The following FMOD variants were observed in gnomAD, a reference collection of about 807,000 sequenced individuals.
FMOD encodes the protein fibromodulin.
Under a neutral mutation model 27.0 loss-of-function variants are expected in FMOD, and 15 were observed. The observed-to-expected ratio is 0.55, with a 90% confidence interval of 0.37 to 0.85. The LOEUF (loss-of-function observed/expected upper bound fraction) is 0.85. Among genes scored for constraint, FMOD ranks in the 40% least tolerant of loss-of-function variants. FMOD has a pLI of 0.00. For synonymous variants in FMOD, 210 were observed against 214.0 expected, an observed-to-expected ratio of 0.98 and a Z score of 0.16; for missense variants, 460 against 483.2, an observed-to-expected ratio of 0.95 and a Z score of 0.45.
intron 2 of FMOD, among the ~76,000 whole-genome samples, chr1:203,343,534 G>T (rs2102301507): frequency 6.6e-6 from 1 of 152,304 alleles, no homozygotes; most frequent in South Asian, 2.1e-4. Flanking sequence ...CTGCAAAGGG[G>T]GTTTGAATGA....
intron 1 of FMOD, among the ~76,000 whole-genome samples, chr1:203,350,735 T>G (rs1658983654): frequency 6.6e-6 from 1 of 152,224 alleles, no homozygotes; most frequent in Admixed American, 6.5e-5. Context: ...ATGATGGGAT[T>G]TATGAGTAGC....
intron 2 of FMOD, among the ~76,000 whole-genome samples, 185 bp from the exon 3 acceptor site, chr1:203,342,679 T>A (rs1480114814): frequency 1.3e-5 from 2 of 151,892 alleles, no homozygotes; most frequent in African/African-American, 4.8e-5. Context: ...AGGGACAGAG[T>A]GAGGACTGTG....
At chr1:203,348,514 T>C (rs969606445) in intron 1 of FMOD, among the ~76,000 whole-genome samples, 4 of 152,138 alleles carry the variant, frequency 2.6e-5, no homozygotes, top group African/African-American at 9.7e-5. Context: ...CCCCTGGTCA[T>C]AGAGTCACAG....
chr1:203,350,503 C>T (rs1658972122), intron 1 of FMOD, among the ~76,000 whole-genome samples: 1 of 152,010 alleles, frequency 6.6e-6, no homozygotes, highest in Admixed American at 6.6e-5. Flanking sequence ...GGATTGCATC[C>T]CCACCCCAAT....
At position 203,350,592 on chromosome 1, in the gene FMOD, C is replaced by T. The variant is rs557956798; in HGVS notation, c.-8+441G>A. Among the ~76,000 whole-genome samples the T allele has an allele frequency of 5.2e-4, 71 of 137,668 alleles. No individual in the cohort carries two copies. In the East Asian group the frequency reaches 0.019, roughly 36 times the overall value. 90.3% of individuals were successfully genotyped at this position (137,668 alleles called of 152,430 possible). A position where few individuals can be genotyped will look rare whatever the true frequency, so the allele number is the denominator to read the frequency against. ...TCCACTCCAAACACACACACACACA[C>T]ACACACACACACATTCTACACAAAA... On this transcript the variant is annotated intron_variant, in intron 1 of 2. Coordinates refer to ENST00000354955, the MANE Select transcript of FMOD (RefSeq NM_002023.5).
Position 203,347,509 on chromosome 1 carries a change from G to A in FMOD, c.762C>T (p.Asn254=), listed in dbSNP as rs1658909090. 1.9e-6 allele frequency: 3 copies of A among 1,614,076 alleles called. No homozygotes were observed. Among genetic ancestry groups the A allele is most frequent in the Non-Finnish European group, 2.5e-6 (3 of 1,180,044 alleles). ...SALEQLYMEH[N]NVYTVPDSYF... is the part of the protein sequence containing the mutation. The stretch of plus-strand genomic sequence containing the variant: ...AGCTATCGGGGACGGTGTAGACATT[G>A]TTGTGCTCCATGTACAGCTGCTCAA... Residue 254 remains asparagine, a synonymous_variant, in exon 2 of 3, where the codon AAC becomes AAT. Transcript: ENST00000354955.
chr1:203,343,247 G>A (rs6428002), intron 2 of FMOD, among the ~76,000 whole-genome samples: 2,306 of 152,218 alleles, frequency 0.015, 58 homozygotes, highest in African/African-American at 0.051. Flanking sequence ...CCCCTAAACC[G>A]CAGAATTCTA....
chr1:203,348,371 T>C lies in FMOD; in HGVS notation c.-7-94A>G, dbSNP rs1050264905. 8.4e-6 allele frequency: 11 copies of C among 1,309,276 alleles called. No individual in the cohort carries two copies. The Admixed American group carries it at 1.4e-4, about 16-fold the overall frequency. 81.1% of individuals were successfully genotyped at this position (1,309,276 alleles called of 1,614,324 possible). The stretch of plus-strand genomic sequence containing the variant: ...TAGGCAAGCCTTAGGCTTTGAGCTA[T>C]GCAGAGCTGACTTCCATGTCAAACA... On this transcript the variant is annotated intron_variant, in intron 1 of 2. Transcript: ENST00000354955.
rs868087946 is a variant in FMOD at position 203,340,775 on chromosome 1, G to A, written c.*1568C>T. 2.6e-5 allele frequency: 4 copies of A among 152,358 alleles called. No homozygotes were observed. Among genetic ancestry groups the A allele is most frequent in the Non-Finnish European group, 4.4e-5 (3 of 68,036 alleles). 9.4% of individuals were successfully genotyped at this position (152,358 alleles called of 1,614,324 possible). A position where few individuals can be genotyped will look rare whatever the true frequency, so the allele number is the denominator to read the frequency against. ...AGGGGGCAGCCTTGCCCCTCACATC[G>A]GAGCTCCTTTGTTGAAATGAGCTGG... On this transcript the variant is annotated 3_prime_UTR_variant, in exon 3 of 3. Coordinates refer to ENST00000354955, the MANE Select transcript of FMOD (RefSeq NM_002023.5).
rs541895766 is a variant in FMOD, at chr1:203,347,477, C to T, written c.794G>A (p.Arg265Gln). The part of the protein sequence containing the change: ...NVYTVPDSYF[R>Q]GAPKLLYVRL... ...CACATACAGCAGCTTGGGCGCCCCC[C>T]GGAAGTAGCTATCGGGGACGGTGTA... is the stretch of plus-strand genomic sequence containing the variant. The change falls in exon 2 of 3, where the codon CGG becomes CAG. Residue 265 changes from arginine (R) to glutamine (Q), a missense_variant. By Grantham distance (43) the Arg-to-Gln change is conservative (BLOSUM62 1). Coordinates refer to ENST00000354955, the MANE Select transcript of FMOD (RefSeq NM_002023.5). 97 of 1,614,154 alleles carry T rather than the reference C, an allele frequency of 6.0e-5. No individual in the cohort carries two copies. Among genetic ancestry groups the T allele is most frequent in the Middle Eastern group, 3.3e-4 (2 of 6,062 alleles).
Position 203,342,303 on chromosome 1 carries a change from C to A in FMOD, c.*40G>T. ...CCAAACCAAACCATCAAGCCAAATG[C>A]CACGGGGGCTCTCCGCCCAGTACCC... On this transcript the variant is annotated 3_prime_UTR_variant, in exon 3 of 3. Transcript: ENST00000354955. 6.3e-7 allele frequency: 1 copy of A among 1,586,358 alleles called. No homozygotes were observed. The highest frequency in any genetic ancestry group is 8.6e-7 in the Non-Finnish European group (1 of 1,162,286).
intron 2 of FMOD, among the ~76,000 whole-genome samples, chr1:203,346,003 A>G (rs1658881764): frequency 6.6e-6 from 1 of 152,150 alleles, no homozygotes; most frequent in African/African-American, 2.4e-5. Flanking sequence ...TAGGCTGTAC[A>G]TGATGGTGTC....
In FMOD at chr1:203,347,295, T is replaced by G. The variant is rs149495524; in HGVS notation, c.976A>C (p.Asn326His). Residue 326 changes from asparagine (N) to histidine (H), a missense_variant, in exon 2 of 3, where the codon AAT (asparagine) becomes CAT (histidine). Physicochemically the swap from Asn to His is moderately conservative, Grantham distance 68 (BLOSUM62 1). Coordinates refer to ENST00000354955, the MANE Select transcript of FMOD (RefSeq NM_002023.5). ...ENLYLQGNRI[N>H]EFSISSFCTV... ...CCTCCCTTTGCCAAGGTCTCACCAT[T>G]GATCCTATTGCCTTGGAGGTAGAGG... The G allele has an allele frequency of 1.1e-5, 18 of 1,608,694 alleles. No homozygotes were observed. The African/African-American group carries it at 1.7e-4, about 16-fold the overall frequency.
rs754601876 is a variant in FMOD, at chr1:203,350,576, A to AACACACAC, written c.-8+449_-8+456dup. ...TTTTTATTCTCTCCTTTCCACTCCA[A>AACACACAC]ACACACACACACACACACACACACA... On this transcript the variant is annotated intron_variant, in intron 1 of 2. Coordinates refer to ENST00000354955, the MANE Select transcript of FMOD (RefSeq NM_002023.5). Among the ~76,000 whole-genome samples the AACACACAC allele has an allele frequency of 2.9e-3, 384 of 131,684 alleles. 3 individuals carry two copies. Among genetic ancestry groups the AACACACAC allele is most frequent in the African/African-American group, 0.011 (371 of 33,928 alleles). 86.4% of individuals were successfully genotyped at this position (131,684 alleles called of 152,430 possible). A position where few individuals can be genotyped will look rare whatever the true frequency, so the allele number is the denominator to read the frequency against.
At chr1:203,346,297 TCTC>T (rs1452359098) in intron 2 of FMOD, among the ~76,000 whole-genome samples, 5 of 151,994 alleles carry the variant, frequency 3.3e-5, no homozygotes, top group African/African-American at 1.2e-4. Context: ...AGTCCTCCCT[TCTC>T]CAGATGGAAG....
At chr1:203,349,911 G>C (rs1321320716) in intron 1 of FMOD, among the ~76,000 whole-genome samples, 4 of 152,254 alleles carry the variant, frequency 2.6e-5, no homozygotes, top group Non-Finnish European at 4.4e-5. Context: ...AAGAGCCACA[G>C]TGTTTTGGAG....
rs1315505829 is a variant in FMOD, at chr1:203,341,837, G to C, written c.*506C>G. ...AAGGCACAGAAGAGGCATCTGTGGA[G>C]GAAAGTGGAGTGGGTGAAGTGGATT... On this transcript the variant is annotated 3_prime_UTR_variant, in exon 3 of 3. Coordinates refer to ENST00000354955, the MANE Select transcript of FMOD (RefSeq NM_002023.5). 2 of 152,724 alleles carry C rather than the reference G, an allele frequency of 1.3e-5. No individual in the cohort carries two copies. Among genetic ancestry groups the C allele is most frequent in the South Asian group, 4.1e-4 (2 of 4,872 alleles). 9.5% of individuals were successfully genotyped at this position (152,724 alleles called of 1,614,324 possible). A position where few individuals can be genotyped will look rare whatever the true frequency, so the allele number is the denominator to read the frequency against.
chr1:203,347,707 G>A lies in FMOD; in HGVS notation c.564C>T (p.Ile188=). Reference sequence around the variant, plus strand: ...CCAGAGCATTGTTGGGGACCCGTGAGATCTGGTTGTGGTCGAGATGGAGCT... The same window carrying A: ...CCAGAGCATTGTTGGGGACCCGTGAAATCTGGTTGTGGTCGAGATGGAGCT... ...LRELHLDHNQ[I]SRVPNNALEG... The change falls in exon 2 of 3, where the codon ATC becomes ATT. Residue 188 remains isoleucine, a synonymous_variant. Transcript: ENST00000354955. 6.2e-7 allele frequency: 1 copy of A among 1,614,114 alleles called. No homozygotes were observed.
In FMOD at chr1:203,342,466, C is replaced by G. The variant is rs747881241; in HGVS notation, c.1008G>C (p.Val336=). The part of the protein sequence containing the change: ...NEFSISSFCT[V]VDVVNFSKLQ... ...GCTTGGAGAAGTTCACGACGTCCAC[C>G]ACGGTGCAGAAGCTGCTGATGGAGA... The change falls in exon 3 of 3, where the codon GTG becomes GTC. Residue 336 remains valine (V), a synonymous_variant. Transcript: ENST00000354955. The G allele has an allele frequency of 6.2e-7, 1 of 1,614,124 alleles. No homozygotes were observed. Among genetic ancestry groups the G allele is most frequent in the Non-Finnish European group, 8.5e-7 (1 of 1,179,984 alleles).
Sources: gnomAD v4.1 joint callset for allele counts (sites outside exome capture counted in the v4.1 genomes callset) on GRCh38, gnomAD v4.1.1 for gene constraint, MANE v1.5 for transcripts, NCBI Gene and HGNC (gene_info 2026-07-23, HGNC 2026-07-21) for gene names.